The following MSRA variants were observed in gnomAD, a reference collection of about 807,000 sequenced individuals.
The protein encoded by MSRA is methionine sulfoxide reductase A, also known as mitochondrial peptide methionine sulfoxide reductase.
MSRA carries 54 observed loss-of-function variants against 31.3 expected under a neutral mutation model. That is an observed-to-expected ratio of 1.73 (90% CI 1.39 to 2.17). The LOEUF is 2.17. Ranked by LOEUF, MSRA falls within the 30% of genes most tolerant of loss-of-function variation. The pLI is 0.00. For missense variants in MSRA, 507 were observed against 300.9 expected (o/e 1.69, Z -5.07); for synonymous variants, 169 against 116.5 (o/e 1.45, Z -2.90).
intron 4 of MSRA, among the ~76,000 whole-genome samples, chr8:10,310,292 GATTTCATTCTTTTAAGA>G (rs1801365407): frequency 1.3e-5 from 2 of 152,292 alleles, no homozygotes; most frequent in East Asian, 1.9e-4. Flanking sequence ...TTCTGAAAGG[GATTTCATTCTTTTAAGA>G]ATTTCAGAAA....
At chr8:10,403,360 C>T (rs1163087894) in intron 5 of MSRA, among the ~76,000 whole-genome samples, 1 of 152,168 alleles carries the variant, frequency 6.6e-6, no homozygotes, top group African/African-American at 2.4e-5. Flanking sequence ...AAGGCAGGTG[C>T]CGGGCCTTAC....
intron 2 of MSRA, among the ~76,000 whole-genome samples, chr8:10,220,020 A>AAACAG (rs774804645): frequency 3.9e-5 from 6 of 152,050 alleles, no homozygotes; most frequent in Non-Finnish European, 5.9e-5. Flanking sequence ...CCATGTGGAG[A>AAACAG]AACAGACGTT....
intron 2 of MSRA, among the ~76,000 whole-genome samples, chr8:10,235,644 G>A (rs1420624389): frequency 6.6e-6 from 1 of 152,118 alleles, no homozygotes; most frequent in Non-Finnish European, 1.5e-5. Flanking sequence ...ATAAAAATAT[G>A]AATACATGAC....
At chr8:10,313,488 CAAACAAACAAAAA>C (rs1401884199) in intron 4 of MSRA, among the ~76,000 whole-genome samples, 1 of 149,272 alleles carries the variant, frequency 6.7e-6, no homozygotes, top group African/African-American at 2.5e-5. Flanking sequence ...AAACAAAAAA[CAAACAAACAAAAA>C]AAAACATGGC....
chr8:10,204,658 A>C (rs1808785885), intron 1 of MSRA, among the ~76,000 whole-genome samples: 1 of 152,238 alleles, frequency 6.6e-6, no homozygotes, highest in Non-Finnish European at 1.5e-5. Context: ...TGACAAAATG[A>C]CCTGACAACA....
At chr8:10,260,507 C>G (rs1798422871) in intron 3 of MSRA, among the ~76,000 whole-genome samples, 1 of 152,198 alleles carries the variant, frequency 6.6e-6, no homozygotes, top group Non-Finnish European at 1.5e-5. Context: ...CACAGATGGA[C>G]TGGTCACGTA....
At chr8:10,332,098 G>A (rs989805342) in intron 5 of MSRA, among the ~76,000 whole-genome samples, 22 of 152,256 alleles carry the variant, frequency 1.4e-4, no homozygotes, top group African/African-American at 5.1e-4. Context: ...CATGAATTGA[G>A]AAAATGTCAT....
At position 10,413,908 on chromosome 8, in the gene MSRA, C is replaced by T. The variant is rs112056723; in HGVS notation, c.544-14240C>T. Among the ~76,000 whole-genome samples, 1,431 of 152,174 alleles carry T rather than the reference C, an allele frequency of 9.4e-3. 22 individuals are homozygous for T. The highest frequency in any genetic ancestry group is 0.033 in the African/African-American group (1,374 of 41,522). On this transcript the variant is annotated intron_variant, in intron 5 of 5. Transcript: ENST00000317173. ...GGTCAGGCACAGTGACTTATACCTG[C>T]GATCATAGTGCTTTGGGAGGCTGAG...
intron 1 of MSRA, among the ~76,000 whole-genome samples, chr8:10,145,877 CA>C (rs1480521767): frequency 2.0e-5 from 3 of 152,074 alleles, no homozygotes; most frequent in African/African-American, 7.2e-5. Flanking sequence ...AAAGCTTATT[CA>C]ATATCATTGT....
At chr8:10,403,700 AC>A (rs1193193324) in intron 5 of MSRA, among the ~76,000 whole-genome samples, 2 of 152,230 alleles carry the variant, frequency 1.3e-5, no homozygotes, top group East Asian at 3.9e-4. Context: ...CTGAGGCCTT[AC>A]AAAGTTGAAA....
intron 1 of MSRA, among the ~76,000 whole-genome samples, chr8:10,055,840 C>T (rs1046086164): frequency 2.0e-5 from 3 of 152,106 alleles, no homozygotes; most frequent in African/African-American, 7.2e-5. Flanking sequence ...GGATTAGAGG[C>T]AGTTTAGAAA....
intron 1 of MSRA, among the ~76,000 whole-genome samples, chr8:10,147,738 C>G (rs66602888): frequency 0.19 from 28,986 of 152,104 alleles, 3,615 homozygotes; most frequent in East Asian, 0.54. Flanking sequence ...CAGGGAAGCC[C>G]ATGCTGCCTG....
chr8:10,417,784 G>A lies in MSRA; in HGVS notation c.544-10364G>A, dbSNP rs548184455. 3.4e-5 allele frequency among the ~76,000 whole-genome samples: 5 copies of A among 147,074 alleles called. No homozygotes were observed. The South Asian group carries it at 1.1e-3, about 32-fold the overall frequency. On this transcript the variant is annotated intron_variant, in intron 5 of 5. Coordinates refer to ENST00000317173, the MANE Select transcript of MSRA (RefSeq NM_012331.5). ...TGTGTGTGTGTGTGTGTGTGTCTGT[G>A]TACACGCACGTGTGCACACGCAGGA...
intron 1 of MSRA, among the ~76,000 whole-genome samples, chr8:10,135,851 C>T (rs1462838521): frequency 3.9e-5 from 6 of 152,200 alleles, no homozygotes; most frequent in East Asian, 1.9e-4. Flanking sequence ...CCTACAGACA[C>T]GTGGGTCTTT....
chr8:10,305,266 C>A (rs1801065342), intron 4 of MSRA, among the ~76,000 whole-genome samples: 1 of 152,132 alleles, frequency 6.6e-6, no homozygotes, highest in African/African-American at 2.4e-5. Flanking sequence ...AGCTTAGAGT[C>A]CCCTTTCAGT....
intron 1 of MSRA, among the ~76,000 whole-genome samples, chr8:10,150,898 A>C (rs1373925785): frequency 6.6e-6 from 1 of 151,940 alleles, no homozygotes; most frequent in Non-Finnish European, 1.5e-5. Context: ...GGGATCTCTC[A>C]TTTTATATAT....
chr8:10,207,435 T>G (rs1292758345), intron 1 of MSRA, among the ~76,000 whole-genome samples: 1 of 152,210 alleles, frequency 6.6e-6, no homozygotes, highest in African/African-American at 2.4e-5. Context: ...TGCATCAGTG[T>G]TCTGATTGTT....
intron 5 of MSRA, among the ~76,000 whole-genome samples, chr8:10,322,795 G>A (rs530750987): frequency 6.6e-6 from 1 of 152,236 alleles, no homozygotes; most frequent in South Asian, 2.1e-4. Context: ...AAAGTAATGA[G>A]ATAAAAGCAG....
intron 1 of MSRA, among the ~76,000 whole-genome samples, chr8:10,058,341 G>A (rs913658308): frequency 6.6e-6 from 1 of 152,128 alleles, no homozygotes; most frequent in Non-Finnish European, 1.5e-5. Flanking sequence ...AATAAGTCCT[G>A]AGAAGAGGAG....
Sources: gnomAD v4.1 joint callset for allele counts (sites outside exome capture counted in the v4.1 genomes callset) on GRCh38, gnomAD v4.1.1 for gene constraint, MANE v1.5 for transcripts, NCBI Gene and HGNC (gene_info 2026-07-23, HGNC 2026-07-21) for gene names.